NCAM2: variants seen among roughly 807,000 people sequenced by gnomAD.
NCAM2 encodes neural cell adhesion molecule 2, also known as N-CAM-2.
A neutral mutation model predicts 98.1 loss-of-function variants in NCAM2; 30 were observed. The ratio of observed to expected loss-of-function variants is 0.31; its 90% CI spans 0.23 to 0.41. The LOEUF is 0.41. Among genes scored for constraint, NCAM2 ranks in the 10% least tolerant of loss-of-function variants. NCAM2 has a pLI of 1.00. For synonymous variants in NCAM2, 368 were observed against 342.4 expected, an observed-to-expected ratio of 1.07 and a Z score of -0.83; for missense variants, 867 against 1,005.8, an observed-to-expected ratio of 0.86 and a Z score of 1.87.
intron 1 of NCAM2, among the ~76,000 whole-genome samples, chr21:21,194,354 A>G (rs1568749718): frequency 6.6e-6 from 1 of 152,232 alleles, no homozygotes; most frequent in Non-Finnish European, 1.5e-5. Flanking sequence ...AACCACATTT[A>G]TAAAGAGAGT....
intron 1 of NCAM2, among the ~76,000 whole-genome samples, chr21:21,241,001 G>A (rs1452584290): frequency 1.3e-5 from 2 of 151,984 alleles, no homozygotes; most frequent in African/African-American, 4.8e-5. Context: ...AAATTGCTTG[G>A]ACCTTATATG....
chr21:21,243,684 C>A (rs1004776629), intron 1 of NCAM2, among the ~76,000 whole-genome samples: 2 of 152,216 alleles, frequency 1.3e-5, no homozygotes, highest in African/African-American at 2.4e-5. Context: ...GAAGTCTAGG[C>A]CACTCAAATG....
intron 1 of NCAM2, among the ~76,000 whole-genome samples, chr21:21,092,537 C>T (rs1032530705): frequency 6.6e-6 from 1 of 151,762 alleles, no homozygotes; most frequent in East Asian, 1.9e-4. Flanking sequence ...TAGAAACTAC[C>T]TGCTTTGATA....
intron 8 of NCAM2, among the ~76,000 whole-genome samples, chr21:21,351,117 C>CAAAAAAAAAAAAAA: frequency 1.2e-5 from 1 of 83,754 alleles, no homozygotes; most frequent in Non-Finnish European, 2.2e-5. Flanking sequence ...GACTCTGTCT[C>CAAAAAAAAAAAAAA]AAAAAAAAAA....
intron 9 of NCAM2, among the ~76,000 whole-genome samples, chr21:21,409,804 G>A (rs894962478): frequency 3.3e-5 from 5 of 152,106 alleles, no homozygotes; most frequent in Non-Finnish European, 7.4e-5. Context: ...GAGTTCTGAT[G>A]CACTGTGTTA....
intron 8 of NCAM2, 24 bp downstream of exon 8, chr21:21,338,558 G>T: frequency 6.4e-7 from 1 of 1,556,236 alleles, no homozygotes; most frequent in South Asian, 1.2e-5. Flanking sequence ...AATATGTAAT[G>T]GTTTCCATTA....
rs989130615 is a variant in NCAM2 at position 21,539,948 on chromosome 21, C to T, written c.*1991C>T. 4 of 152,008 alleles carry T rather than the reference C, an allele frequency of 2.6e-5. No individual in the cohort carries two copies. The highest frequency in any genetic ancestry group is 6.6e-5 in the Admixed American group (1 of 15,230). The allele number at this position is 152,008 out of a possible 1,614,324, so 9.4% of individuals were successfully genotyped here. A position where few individuals can be genotyped will look rare whatever the true frequency, so the allele number is the denominator to read the frequency against. On this transcript the variant is annotated 3_prime_UTR_variant, in exon 18 of 18. Coordinates refer to ENST00000400546, the MANE Select transcript of NCAM2 (RefSeq NM_004540.5). ...TTTGTTTTGTACCAGTGTACTAAAA[C>T]TAGTCAAAATACTTGAATTAGTTTG...
At chr21:21,036,941 A>C (rs1303829332) in intron 1 of NCAM2, among the ~76,000 whole-genome samples, 1 of 152,196 alleles carries the variant, frequency 6.6e-6, no homozygotes, top group Non-Finnish European at 1.5e-5. Context: ...TCTCTACAGA[A>C]GCAAATCTCC....
intron 1 of NCAM2, among the ~76,000 whole-genome samples, chr21:21,268,727 TG>T (rs1384784059): frequency 6.6e-6 from 1 of 152,210 alleles, no homozygotes; most frequent in Non-Finnish European, 1.5e-5. Context: ...GACTGTTTGT[TG>T]CCTCCTCCAA....
chr21:21,425,347 A>C (rs1157108668), intron 11 of NCAM2, among the ~76,000 whole-genome samples: 1 of 152,084 alleles, frequency 6.6e-6, no homozygotes, highest in Admixed American at 6.6e-5. Flanking sequence ...TCTAATGTTC[A>C]CTCTTCAAAA....
intron 1 of NCAM2, among the ~76,000 whole-genome samples, chr21:21,074,406 T>TTTACATTTATTTTACATTAA (rs958718079): frequency 6.6e-6 from 1 of 152,192 alleles, no homozygotes; most frequent in Non-Finnish European, 1.5e-5. Context: ...TACTTATTAA[T>TTTACATTTATTTTACATTAA]TTACATTTAT....
intron 16 of NCAM2, among the ~76,000 whole-genome samples, chr21:21,524,047 C>CACACAA (rs1989181629): frequency 6.6e-6 from 1 of 151,508 alleles, no homozygotes; most frequent in Non-Finnish European, 1.5e-5. Context: ...TCCACACACA[C>CACACAA]ACACACACAC....
At chr21:21,282,731 T>C (rs553085442) in intron 2 of NCAM2, among the ~76,000 whole-genome samples, 1 of 151,768 alleles carries the variant, frequency 6.6e-6, no homozygotes, top group African/African-American at 2.4e-5. Context: ...TATAACTACA[T>C]TTAAGAAAAT....
chr21:21,233,936 T>G (rs1211276704), intron 1 of NCAM2, among the ~76,000 whole-genome samples: 1 of 151,718 alleles, frequency 6.6e-6, no homozygotes, highest in Non-Finnish European at 1.5e-5. Context: ...AAGTTATAAT[T>G]TTTATGTCAT....
intron 9 of NCAM2, among the ~76,000 whole-genome samples, chr21:21,378,396 G>T (rs2076079425): frequency 6.6e-6 from 1 of 151,848 alleles, no homozygotes; most frequent in Admixed American, 6.6e-5. Flanking sequence ...TTTCACTCTG[G>T]TTTTAATTTG....
intron 17 of NCAM2, among the ~76,000 whole-genome samples, chr21:21,535,414 C>G (rs1217919456): frequency 6.6e-6 from 1 of 152,048 alleles, no homozygotes. Flanking sequence ...TTTTTCAAAA[C>G]AAATATTTAT....
intron 1 of NCAM2, among the ~76,000 whole-genome samples, chr21:21,072,474 A>G (rs1179765598): frequency 6.6e-6 from 1 of 152,094 alleles, no homozygotes; most frequent in African/African-American, 2.4e-5. Context: ...CTATTATAAC[A>G]TAGAGGAATG....
chr21:21,380,359 C>T (rs2076127109), intron 9 of NCAM2, among the ~76,000 whole-genome samples: 1 of 152,176 alleles, frequency 6.6e-6, no homozygotes, highest in Admixed American at 6.6e-5. Flanking sequence ...CAATGAGACA[C>T]ATAAACATTT....
chr21:21,295,321 G>A (rs1259156946), intron 5 of NCAM2, among the ~76,000 whole-genome samples: 1 of 151,702 alleles, frequency 6.6e-6, no homozygotes, highest in African/African-American at 2.4e-5. Flanking sequence ...TACATGTTTA[G>A]GATCTTATTA....
Sources: gnomAD v4.1 joint callset for allele counts (sites outside exome capture counted in the v4.1 genomes callset) on GRCh38, gnomAD v4.1.1 for gene constraint, MANE v1.5 for transcripts, NCBI Gene and HGNC (gene_info 2026-07-23, HGNC 2026-07-21) for gene names.